Variants in ASAP1 observed in about 807,000 individuals in gnomAD.
ASAP1 encodes the protein ArfGAP with SH3 domain, ankyrin repeat and PH domain 1.
In ASAP1, 43 loss-of-function variants were observed where a neutral mutation model predicts 145.2. The ratio of observed to expected loss-of-function variants is 0.30; its 90% CI spans 0.23 to 0.38. The LOEUF is 0.38. Among genes scored for constraint, ASAP1 ranks in the 10% least tolerant of loss-of-function variants. The pLI is 1.00. For missense variants in ASAP1, 1,018 were observed against 1,355.3 expected, an observed-to-expected ratio of 0.75 and a Z score of 3.91; for synonymous variants, 546 against 515.5, an observed-to-expected ratio of 1.06 and a Z score of -0.80.
At chr8:130,079,769 T>G in intron 26 of ASAP1, 133 bp downstream of exon 26, 1 of 838,960 alleles carries the variant, frequency 1.2e-6, no homozygotes, top group Non-Finnish European at 2.0e-6. Context: ...GTCTGGTTTC[T>G]TGTTGTGGCC....
At chr8:130,193,139 C>T (rs995374174) in intron 5 of ASAP1, among the ~76,000 whole-genome samples, 30 of 152,134 alleles carry the variant, frequency 2.0e-4, no homozygotes, top group African/African-American at 3.4e-4. Flanking sequence ...GAGGCCGAGG[C>T]GGGCGAATCA....
intron 4 of ASAP1, among the ~76,000 whole-genome samples, chr8:130,215,957 G>GAAAGAA (rs1052389395): frequency 1.6e-5 from 2 of 122,606 alleles, no homozygotes; most frequent in South Asian, 2.7e-4. Context: ...GGGGAAAGGG[G>GAAAGAA]AAAGAAAAAG....
At chr8:130,256,989 C>A (rs1019746216) in intron 3 of ASAP1, among the ~76,000 whole-genome samples, 9 of 151,292 alleles carry the variant, frequency 5.9e-5, no homozygotes, top group African/African-American at 2.2e-4. Flanking sequence ...GGTAAAGAAG[C>A]ATCATTTCTT....
intron 3 of ASAP1, among the ~76,000 whole-genome samples, chr8:130,258,402 G>A (rs1284800161): frequency 6.6e-6 from 1 of 152,210 alleles, no homozygotes; most frequent in Non-Finnish European, 1.5e-5. Context: ...CACTCTAGCT[G>A]TGAAGCTGTC....
chr8:130,252,001 C>T (rs1483325827), intron 3 of ASAP1, among the ~76,000 whole-genome samples: 1 of 152,144 alleles, frequency 6.6e-6, no homozygotes, highest in Non-Finnish European at 1.5e-5. Flanking sequence ...CCTTTCAAAA[C>T]AACTGTTGCC....
intron 25 of ASAP1, among the ~76,000 whole-genome samples, chr8:130,080,940 A>G (rs1477635868): frequency 6.6e-6 from 1 of 152,204 alleles, no homozygotes; most frequent in African/African-American, 2.4e-5. Flanking sequence ...GCCAAGTATT[A>G]ACATTTATTA....
chr8:130,292,617 A>C (rs1249498978), intron 3 of ASAP1, among the ~76,000 whole-genome samples: 1 of 152,210 alleles, frequency 6.6e-6, no homozygotes, highest in Non-Finnish European at 1.5e-5. Flanking sequence ...GGTCCAGATT[A>C]TTCTCTACTA....
chr8:130,439,145 T>G (rs1450986901), intron 1 of ASAP1, among the ~76,000 whole-genome samples: 1 of 152,110 alleles, frequency 6.6e-6, no homozygotes, highest in Non-Finnish European at 1.5e-5. Context: ...GATGGAAGCT[T>G]GAGAAGGATT....
chr8:130,225,441 T>G (rs573497447), intron 4 of ASAP1, among the ~76,000 whole-genome samples: 2 of 152,342 alleles, frequency 1.3e-5, no homozygotes, highest in African/African-American at 4.8e-5. Context: ...TTATTAAACT[T>G]TTTAAAGTTT....
At chr8:130,339,973 CT>C (rs1825273987) in intron 3 of ASAP1, among the ~76,000 whole-genome samples, 1 of 152,318 alleles carries the variant, frequency 6.6e-6, no homozygotes, top group Admixed American at 6.5e-5. Flanking sequence ...CCAGGCTCAC[CT>C]TGCCTAAATT....
At position 130,353,758 on chromosome 8, in the gene ASAP1, T is replaced by C. The variant is rs370148642; in HGVS notation, c.186+4259A>G. ...GGCGGTGTGCACCTGTAGTCCCAGCTGCCCCAGGAGGCAGAGGTGAGAGAA... is the reference window on the plus strand; with the variant it reads ...GGCGGTGTGCACCTGTAGTCCCAGCCGCCCCAGGAGGCAGAGGTGAGAGAA... On this transcript the variant is annotated intron_variant, in intron 3 of 29. Coordinates refer to ENST00000518721, the MANE Select transcript of ASAP1 (RefSeq NM_018482.4). Among the ~76,000 whole-genome samples, 240 of 152,270 alleles carry C rather than the reference T, an allele frequency of 1.6e-3. 1 individual carries two copies. In the Middle Eastern group the frequency reaches 0.02, roughly 13 times the overall value.
chr8:130,108,672 A>G (rs1475135668), intron 24 of ASAP1, among the ~76,000 whole-genome samples: 1 of 151,898 alleles, frequency 6.6e-6, no homozygotes, highest in Non-Finnish European at 1.5e-5. Flanking sequence ...GGTGGCAGTA[A>G]ATAAACCTAG....
chr8:130,327,464 G>A (rs985632777), intron 3 of ASAP1, among the ~76,000 whole-genome samples: 1 of 152,142 alleles, frequency 6.6e-6, no homozygotes, highest in Non-Finnish European at 1.5e-5. Flanking sequence ...TCACAGCACA[G>A]GCATGTAAGA....
chr8:130,195,292 TG>T (rs779734917), intron 5 of ASAP1: 1 of 143,632 alleles, frequency 7.0e-6, no homozygotes, highest in Non-Finnish European at 1.5e-5. Flanking sequence ...TCCAAGCAAT[TG>T]GCGGGGGCCA....
At chr8:130,400,941 T>G (rs1247491775) in intron 2 of ASAP1, among the ~76,000 whole-genome samples, 12 of 152,124 alleles carry the variant, frequency 7.9e-5, no homozygotes, top group Non-Finnish European at 1.5e-5. Flanking sequence ...AGTGCAACAG[T>G]GTGATCTTGG....
intron 4 of ASAP1, among the ~76,000 whole-genome samples, chr8:130,230,774 C>A (rs1565115432): frequency 6.6e-6 from 1 of 151,874 alleles, no homozygotes; most frequent in African/African-American, 2.4e-5. Flanking sequence ...TGAAAAACAG[C>A]AAAAAAAGGT....
chr8:130,399,709 T>G (rs1415873650), intron 2 of ASAP1, among the ~76,000 whole-genome samples: 3 of 151,994 alleles, frequency 2.0e-5, no homozygotes, highest in African/African-American at 4.8e-5. Context: ...CTACTTTATG[T>G]AAAACACTTT....
chr8:130,274,928 A>AC (rs1209756020), intron 3 of ASAP1, among the ~76,000 whole-genome samples: 1 of 152,208 alleles, frequency 6.6e-6, no homozygotes, highest in Non-Finnish European at 1.5e-5. Flanking sequence ...CTCATAGTCC[A>AC]CTACCCTTAA....
chr8:130,164,429 A>G (rs1377263595), intron 11 of ASAP1, among the ~76,000 whole-genome samples: 3 of 152,112 alleles, frequency 2.0e-5, no homozygotes, highest in Non-Finnish European at 4.4e-5. Context: ...GGTCTCTACT[A>G]AAAACATAAA....
Sources: allele counts gnomAD v4.1 joint callset (sites outside exome capture counted in the v4.1 genomes callset), GRCh38; gene constraint gnomAD v4.1.1; transcripts MANE v1.5; gene names NCBI Gene and HGNC (gene_info 2026-07-23, HGNC 2026-07-21).